Variants in NT5M observed in about 807,000 individuals in gnomAD.
NT5M encodes the protein 5'(3')-deoxyribonucleotidase, mitochondrial.
NT5M carries 22 observed loss-of-function variants against 22.2 expected under a neutral mutation model. That is an observed-to-expected ratio of 0.99 (90% CI 0.71 to 1.41). The LOEUF is 1.41. NT5M is among the 40% of genes most tolerant of loss of function. The pLI is 0.00. For missense variants in NT5M, 322 were observed against 314.8 expected, an observed-to-expected ratio of 1.02 and a Z score of -0.17; for synonymous variants, 167 against 133.0, an observed-to-expected ratio of 1.26 and a Z score of -1.76.
Position 17,303,425 on chromosome 17 carries a change from C to T in NT5M, c.-126C>T. The T allele has an allele frequency of 2.0e-6, 2 of 984,320 alleles. No individual in the cohort carries two copies. The highest frequency in any genetic ancestry group is 2.4e-6 in the Non-Finnish European group (2 of 826,674). 61.0% of individuals were successfully genotyped at this position (984,320 alleles called of 1,614,324 possible). A position where few individuals can be genotyped will look rare whatever the true frequency, so the allele number is the denominator to read the frequency against. Reference sequence around the variant, plus strand: ...CACCCCGCGCTCCCCGCCCCGCTCCCCGTCCCGCGCTCCACGCGCGCCCCA... The same window carrying T: ...CACCCCGCGCTCCCCGCCCCGCTCCTCGTCCCGCGCTCCACGCGCGCCCCA... On this transcript the variant is annotated 5_prime_UTR_variant, in exon 1 of 5. Coordinates refer to ENST00000389022, the MANE Select transcript of NT5M (RefSeq NM_020201.4).
chr17:17,323,901 T>A (rs988821672), intron 3 of NT5M, among the ~76,000 whole-genome samples: 2 of 152,112 alleles, frequency 1.3e-5, no homozygotes, highest in African/African-American at 2.4e-5. Flanking sequence ...AGACAGAGTT[T>A]TGCTCTTGTT....
At chr17:17,329,697 CGGGTACAGT>C (rs1411096043) in intron 3 of NT5M, among the ~76,000 whole-genome samples, 1 of 152,064 alleles carries the variant, frequency 6.6e-6, no homozygotes, top group Admixed American at 6.6e-5. Context: ...CACTTCAGGC[CGGGTACAGT>C]GGCTCATGCT....
At position 17,305,999 on chromosome 17, in the gene NT5M, A is replaced by G. The variant is rs536049016; in HGVS notation, c.268-544A>G. 2.6e-5 allele frequency among the ~76,000 whole-genome samples: 4 copies of G among 152,206 alleles called. No individual in the cohort carries two copies. The South Asian group carries it at 8.3e-4, about 32-fold the overall frequency. ...AGCAGAATCCTTTTTTTAAAAATGT[A>G]CTTATTGGCACCTCAACATATAAAA... On this transcript the variant is annotated intron_variant, in intron 1 of 4. Transcript: ENST00000389022.
At position 17,318,480 on chromosome 17, in the gene NT5M, CAAAAA is replaced by C. The variant is rs71355545; in HGVS notation, c.369-4686_369-4682del. 7.1e-3 allele frequency among the ~76,000 whole-genome samples: 299 copies of C among 42,112 alleles called. 2 individuals are homozygous for C. The highest frequency in any genetic ancestry group is 0.022 in the African/African-American group (285 of 12,882). The allele number at this position is 42,112 out of a possible 152,430, so 27.6% of individuals were successfully genotyped here. On this transcript the variant is annotated intron_variant, in intron 2 of 4. Transcript: ENST00000389022. ...TGGGTAACAAAGCGAGACTCTGTCT[CAAAAA>C]AAAAAAAAAAAAAAAAAAGTCTGGG...
chr17:17,332,995 G>A (rs530496427), intron 3 of NT5M, among the ~76,000 whole-genome samples: 1 of 152,292 alleles, frequency 6.6e-6, no homozygotes, highest in Non-Finnish European at 1.5e-5. Flanking sequence ...AGTCCCTCTT[G>A]CTCCCTATCC....
chr17:17,347,207 C>T lies in NT5M; in HGVS notation c.*260C>T. ...ACCTCAGGCAGCAGGCACCAAGCTGCCAGAAGCCCAGGGGCTCAGGACAGG... is the reference window on the plus strand; with the variant it reads ...ACCTCAGGCAGCAGGCACCAAGCTGTCAGAAGCCCAGGGGCTCAGGACAGG... On this transcript the variant is annotated 3_prime_UTR_variant, in exon 5 of 5. Coordinates refer to ENST00000389022, the MANE Select transcript of NT5M (RefSeq NM_020201.4). 2.0e-6 allele frequency: 1 copy of T among 507,150 alleles called. No individual in the cohort carries two copies. The highest frequency in any genetic ancestry group is 3.6e-5 in the East Asian group (1 of 27,446). 31.4% of individuals were successfully genotyped at this position (507,150 alleles called of 1,614,324 possible).
At chr17:17,332,883 G>A (rs2049416662) in intron 3 of NT5M, among the ~76,000 whole-genome samples, 2 of 152,192 alleles carry the variant, frequency 1.3e-5, no homozygotes, top group Non-Finnish European at 2.9e-5. Context: ...TTGTGTGGGA[G>A]TGGAGGGTAT....
chr17:17,322,993 T>C (rs1053698881), intron 2 of NT5M, among the ~76,000 whole-genome samples, 192 bp from the exon 3 acceptor site: 1 of 152,116 alleles, frequency 6.6e-6, no homozygotes, highest in Non-Finnish European at 1.5e-5. Flanking sequence ...GGTAGGGTCA[T>C]GTGGCTGCCC....
Position 17,346,848 on chromosome 17 carries a change from C to T in NT5M, c.588C>T (p.Ala196=). The change falls in exon 5 of 5, where the codon GCC becomes GCT. Residue 196 remains alanine (A), a synonymous_variant. Coordinates refer to ENST00000389022, the MANE Select transcript of NT5M (RefSeq NM_020201.4). ...TPSWEHVLFT[A]CHNQHLQLQP... Reference sequence around the variant, plus strand: ...GCTGGGAGCATGTCCTCTTCACCGCCTGCCACAACCAGCACCTGCAGCTGC... The same window carrying T: ...GCTGGGAGCATGTCCTCTTCACCGCTTGCCACAACCAGCACCTGCAGCTGC... 6.2e-7 allele frequency: 1 copy of T among 1,608,468 alleles called. No homozygotes were observed. The highest frequency in any genetic ancestry group is 1.7e-5 in the Admixed American group (1 of 60,022).
intron 3 of NT5M, among the ~76,000 whole-genome samples, chr17:17,337,153 G>A (rs1597795520): frequency 6.6e-6 from 1 of 152,266 alleles, no homozygotes; most frequent in East Asian, 1.9e-4. Context: ...ACTGGGGTGA[G>A]ATGATATTTC....
In NT5M at chr17:17,316,369, T is replaced by TTTTATTTATTTA. The variant is rs36146846; in HGVS notation, c.369-6805_369-6794dup. ...CACCGTGCCCAGCTGTAACTTAGGT[T>TTTTATTTATTTA]TTTATTTATTTATTTATTTATTCGA... On this transcript the variant is annotated intron_variant, in intron 2 of 4. Transcript: ENST00000389022. Among the ~76,000 whole-genome samples, 5 of 146,794 alleles carry TTTTATTTATTTA rather than the reference T, an allele frequency of 3.4e-5. No individual in the cohort carries two copies. In the South Asian group the frequency reaches 1.1e-3, roughly 32 times the overall value.
intron 2 of NT5M, among the ~76,000 whole-genome samples, chr17:17,315,152 A>C (rs55928004): frequency 1.3e-5 from 2 of 152,016 alleles, no homozygotes; most frequent in Non-Finnish European, 2.9e-5. Context: ...TTTTTTAACA[A>C]TTTTGGAGGA....
chr17:17,328,048 C>T (rs2145391947), intron 3 of NT5M, among the ~76,000 whole-genome samples: 1 of 152,292 alleles, frequency 6.6e-6, no homozygotes, highest in East Asian at 1.9e-4. Flanking sequence ...ATTCCTGGGT[C>T]ACGCGAGGAA....
intron 3 of NT5M, among the ~76,000 whole-genome samples, chr17:17,338,391 C>T (rs2049563419): frequency 6.6e-6 from 1 of 152,100 alleles, no homozygotes; most frequent in Admixed American, 6.6e-5. Context: ...TGGGGTTTCA[C>T]CACGTTAGCC....
Position 17,327,244 on chromosome 17 carries a change from A to G in NT5M, c.429+3999A>G, listed in dbSNP as rs1473608008. ...TTCTTTGATGCGTATTAAATATAAT[A>G]CATGTATTTTAACAAAGCTTTCATC... On this transcript the variant is annotated intron_variant, in intron 3 of 4. Transcript: ENST00000389022. Among the ~76,000 whole-genome samples the G allele has an allele frequency of 4.8e-5, 5 of 104,166 alleles. 1 individual carries two copies. The highest frequency in any genetic ancestry group is 1.0e-4 in the Non-Finnish European group (5 of 48,316). 68.3% of individuals were successfully genotyped at this position (104,166 alleles called of 152,430 possible).
In NT5M at chr17:17,347,193, C is replaced by T. The variant is rs1368025771; in HGVS notation, c.*246C>T. ...GGCCGTTCAGCCTGACCTCAGGCAG[C>T]AGGCACCAAGCTGCCAGAAGCCCAG... On this transcript the variant is annotated 3_prime_UTR_variant, in exon 5 of 5. Transcript: ENST00000389022. 9.4e-6 allele frequency: 5 copies of T among 530,720 alleles called. No homozygotes were observed. The African/African-American group carries it at 9.7e-5, about 10-fold the overall frequency. The allele number at this position is 530,720 out of a possible 1,614,324, so 32.9% of individuals were successfully genotyped here. A position where few individuals can be genotyped will look rare whatever the true frequency, so the allele number is the denominator to read the frequency against.
intron 3 of NT5M, among the ~76,000 whole-genome samples, chr17:17,332,858 C>T (rs1337890924): frequency 2.0e-5 from 3 of 152,182 alleles, no homozygotes; most frequent in Middle Eastern, 3.4e-3. Context: ...TATTGGTAAT[C>T]GGGGAGGCTG....
rs566573555 is a variant in NT5M, at chr17:17,313,107, T to TA, written c.368+6469dup. On this transcript the variant is annotated intron_variant, in intron 2 of 4. Transcript: ENST00000389022. ...CAACATGGAGAAACCCTGTCTCTAC[T>TA]AAAAATAAAAAATTAGCTGGGTGTG... Among the ~76,000 whole-genome samples, 169 of 151,844 alleles carry TA rather than the reference T, an allele frequency of 1.1e-3. 3 individuals carry two copies. Among genetic ancestry groups the TA allele is most frequent in the Admixed American group, 0.01 (158 of 15,240 alleles).
intron 2 of NT5M, among the ~76,000 whole-genome samples, chr17:17,316,854 A>G (rs930736514): frequency 2.0e-5 from 3 of 151,456 alleles, no homozygotes. Flanking sequence ...AGCTGGGACT[A>G]TAGGCACATG....
Sources: allele counts gnomAD v4.1 joint callset (sites outside exome capture counted in the v4.1 genomes callset), GRCh38; gene constraint gnomAD v4.1.1; transcripts MANE v1.5; gene names NCBI Gene and HGNC (gene_info 2026-07-23, HGNC 2026-07-21).